NAV2: variants seen among roughly 807,000 people sequenced by gnomAD.
NAV2 encodes helicase, APC down-regulated 1.
A neutral mutation model predicts 223.2 loss-of-function variants in NAV2; 54 were observed. That is an observed-to-expected ratio of 0.24 (90% CI 0.19 to 0.30). The LOEUF is 0.30. Ranked by LOEUF, NAV2 falls within the 10% of genes least tolerant of loss-of-function variation. The pLI, the probability that NAV2 is intolerant of heterozygous loss-of-function variation, is 1.00. For synonymous variants in NAV2, 1,279 were observed against 1,239.3 expected (o/e 1.03, Z -0.67); for missense variants, 2,806 against 3,147.5 (o/e 0.89, Z 2.60).
At chr11:19,452,351 C>G (rs933038987) in intron 1 of NAV2, among the ~76,000 whole-genome samples, 1 of 152,158 alleles carries the variant, frequency 6.6e-6, no homozygotes, top group Non-Finnish European at 1.5e-5. Context: ...GATAAAGACA[C>G]AGCTGACAGG....
rs764322065 is a variant in NAV2, at chr11:19,946,419, G to A, written c.2165G>A (p.Arg722Gln). 41 of 1,612,428 alleles carry A rather than the reference G, an allele frequency of 2.5e-5. No homozygotes were observed. The African/African-American group carries it at 2.7e-4, about 11-fold the overall frequency. Reference sequence around the variant, plus strand: ...TTTCTAGGGGAAGATCCTGAGGCTCGGCGGCTGCGGACAGTGAAGAACATC... The same window carrying A: ...TTTCTAGGGGAAGATCCTGAGGCTCAGCGGCTGCGGACAGTGAAGAACATC... ...EELTGEDPEA[R>Q]RLRTVKNIAD... Residue 722 changes from arginine to glutamine, a missense_variant, in exon 9 of 38, where the codon CGG becomes CAG. Transcript: ENST00000349880.
chr11:19,488,805 G>A (rs959045739), intron 1 of NAV2, among the ~76,000 whole-genome samples: 1 of 152,108 alleles, frequency 6.6e-6, no homozygotes, highest in Non-Finnish European at 1.5e-5. Context: ...GAATGACCAG[G>A]TGTGGCCATT....
At chr11:19,912,091 A>C (rs1417829838) in intron 6 of NAV2, among the ~76,000 whole-genome samples, 1 of 152,206 alleles carries the variant, frequency 6.6e-6, no homozygotes, top group South Asian at 2.1e-4. Flanking sequence ...TGGTGCTTAC[A>C]TTCTAATTTT....
At chr11:19,942,288 G>C (rs2153338385) in intron 8 of NAV2, among the ~76,000 whole-genome samples, 1 of 152,272 alleles carries the variant, frequency 6.6e-6, no homozygotes, top group East Asian at 1.9e-4. Context: ...ACTGTTTTGT[G>C]TTCCTACATT....
At chr11:19,556,576 A>G (rs1306022473) in intron 1 of NAV2, among the ~76,000 whole-genome samples, 3 of 152,236 alleles carry the variant, frequency 2.0e-5, no homozygotes, top group Non-Finnish European at 4.4e-5. Flanking sequence ...AAACCATAGA[A>G]TTTCAAAGAA....
At chr11:19,640,433 C>T (rs903641413) in intron 1 of NAV2, among the ~76,000 whole-genome samples, 1 of 151,410 alleles carries the variant, frequency 6.6e-6, no homozygotes, top group Non-Finnish European at 1.5e-5. Flanking sequence ...ATATATACTA[C>T]ATATACATAA....
At chr11:19,558,855 A>G (rs2044996538) in intron 1 of NAV2, among the ~76,000 whole-genome samples, 1 of 152,156 alleles carries the variant, frequency 6.6e-6, no homozygotes, top group African/African-American at 2.4e-5. Context: ...AGTCCCACAC[A>G]GGTGCCATAC....
At chr11:19,811,100 A>G (rs2058813851) in intron 1 of NAV2, among the ~76,000 whole-genome samples, 1 of 152,218 alleles carries the variant, frequency 6.6e-6, no homozygotes, top group African/African-American at 2.4e-5. Context: ...TGTGTGATTT[A>G]TCGAACTCTT....
intron 19 of NAV2, among the ~76,000 whole-genome samples, chr11:20,061,096 A>G (rs1049507022): frequency 1.3e-5 from 2 of 152,182 alleles, no homozygotes; most frequent in Admixed American, 6.6e-5. Context: ...CATTCCACCC[A>G]TGGCCAGGAA....
intron 1 of NAV2, among the ~76,000 whole-genome samples, chr11:19,608,213 A>G (rs908221147): frequency 1.3e-5 from 2 of 152,252 alleles, no homozygotes; most frequent in Admixed American, 1.3e-4. Flanking sequence ...AACAGAACTC[A>G]TGCTTTCACT....
chr11:19,975,240 G>T (rs566185542), intron 10 of NAV2, among the ~76,000 whole-genome samples: 4 of 152,296 alleles, frequency 2.6e-5, no homozygotes, highest in African/African-American at 9.6e-5. Flanking sequence ...GTCAATTTTC[G>T]AACGTGTGCA....
chr11:19,387,207 A>G (rs1849077478), intron 1 of NAV2, among the ~76,000 whole-genome samples: 1 of 152,150 alleles, frequency 6.6e-6, no homozygotes, highest in South Asian at 2.1e-4. Flanking sequence ...CCTGCTGGGT[A>G]GGTTTTAAGC....
chr11:19,969,538 G>A (rs947243896), intron 10 of NAV2, among the ~76,000 whole-genome samples: 1 of 152,086 alleles, frequency 6.6e-6, no homozygotes, highest in Admixed American at 6.6e-5. Context: ...GACCCTCGGT[G>A]GATGCCTGAA....
intron 1 of NAV2, among the ~76,000 whole-genome samples, chr11:19,749,775 A>T (rs978077052): frequency 7.9e-5 from 12 of 152,196 alleles, no homozygotes; most frequent in Admixed American, 2.0e-4. Flanking sequence ...CTTGATATTC[A>T]TTTGTCCCCT....
chr11:19,520,213 G>A (rs1421556528), intron 1 of NAV2, among the ~76,000 whole-genome samples: 2 of 152,302 alleles, frequency 1.3e-5, no homozygotes, highest in African/African-American at 2.4e-5. Context: ...CTTTTATTGC[G>A]ATGCACTCAT....
chr11:19,734,112 C>A (rs1189004844), intron 1 of NAV2, among the ~76,000 whole-genome samples: 3 of 152,014 alleles, frequency 2.0e-5, no homozygotes, highest in South Asian at 4.2e-4. Context: ...AGAACTAGGG[C>A]AGAATCTGGT....
intron 6 of NAV2, among the ~76,000 whole-genome samples, chr11:19,901,639 T>C (rs1171459528): frequency 2.0e-5 from 3 of 152,174 alleles, no homozygotes; most frequent in Non-Finnish European, 4.4e-5. Context: ...CCCAGACAAA[T>C]GCCTAGCACA....
At chr11:19,405,714 G>A (rs372733070) in intron 1 of NAV2, among the ~76,000 whole-genome samples, 3 of 152,204 alleles carry the variant, frequency 2.0e-5, no homozygotes, top group African/African-American at 7.2e-5. Flanking sequence ...ATCTTTCCAG[G>A]TCTCAGTCCC....
rs146478257 is a variant in NAV2, at chr11:19,655,497, G to A, written c.76-176987G>A. 3.6e-3 allele frequency among the ~76,000 whole-genome samples: 553 copies of A among 152,210 alleles called. 9 individuals carry two copies. The highest frequency in any genetic ancestry group is 0.029 in the Admixed American group (448 of 15,286). ...GCAAAGACTTGGAACCAACCCTAAT[G>A]TCCAACAATGATAGACTGGGTTAAG... On this transcript the variant is annotated intron_variant, in intron 1 of 37. Transcript: ENST00000360655.
Sources: allele counts gnomAD v4.1 joint callset (sites outside exome capture counted in the v4.1 genomes callset), GRCh38; gene constraint gnomAD v4.1.1; transcripts MANE v1.5; gene names NCBI Gene and HGNC (gene_info 2026-07-23, HGNC 2026-07-21).